The following KHDRBS2 variants were observed in gnomAD, a reference collection of about 807,000 sequenced individuals.
KHDRBS2 encodes KH RNA binding domain containing, signal transduction associated 2.
KHDRBS2 carries 26 observed loss-of-function variants against 44.3 expected under a neutral mutation model. That is an observed-to-expected ratio of 0.59 (90% CI 0.43 to 0.81). The LOEUF (loss-of-function observed/expected upper bound fraction) is 0.81. Ranked by LOEUF, KHDRBS2 falls within the 40% of genes least tolerant of loss-of-function variation. The pLI is 0.00. For synonymous variants in KHDRBS2, 194 were observed against 151.1 expected (o/e 1.28, Z -2.08); for missense variants, 476 against 433.1 (o/e 1.10, Z -0.88).
At chr6:61,919,741 A>C (rs551291990) in intron 4 of KHDRBS2, among the ~76,000 whole-genome samples, 35 of 151,942 alleles carry the variant, frequency 2.3e-4, no homozygotes, top group Admixed American at 1.4e-3. Context: ...ACAAAAAAAA[A>C]CCCCACCAAA....
At chr6:61,641,602 G>A in the KHDRBS2 span, among the ~76,000 whole-genome samples, 1 of 152,112 alleles carries the variant, frequency 6.6e-6, no homozygotes, top group African/African-American at 2.4e-5. Flanking sequence ...AGCTTTTCAT[G>A]TGTATCTTTC....
At chr6:62,164,250 A>G (rs1818224247) in intron 2 of KHDRBS2, among the ~76,000 whole-genome samples, 1 of 151,974 alleles carries the variant, frequency 6.6e-6, no homozygotes, top group Non-Finnish European at 1.5e-5. Flanking sequence ...ATGAGAGTTT[A>G]TATAAAATGG....
At chr6:61,849,646 T>TC (rs1394537179) in intron 6 of KHDRBS2, among the ~76,000 whole-genome samples, 1 of 150,190 alleles carries the variant, frequency 6.7e-6, no homozygotes, top group South Asian at 2.1e-4. Context: ...TTTTTTTTTT[T>TC]CCTAAACTAA....
intron 6 of KHDRBS2, among the ~76,000 whole-genome samples, chr6:61,757,075 T>C (rs1778600990): frequency 6.6e-6 from 1 of 152,226 alleles, no homozygotes; most frequent in Admixed American, 6.5e-5. Flanking sequence ...CAGTAGCAGT[T>C]TATGGTATGA....
At chr6:61,770,767 A>T (rs1444327419) in intron 6 of KHDRBS2, among the ~76,000 whole-genome samples, 1 of 152,226 alleles carries the variant, frequency 6.6e-6, no homozygotes, top group African/African-American at 2.4e-5. Context: ...ACTCTGCAGG[A>T]TATTATCCAG....
At chr6:61,875,855 C>T (rs566193778) in intron 6 of KHDRBS2, among the ~76,000 whole-genome samples, 4 of 151,914 alleles carry the variant, frequency 2.6e-5, no homozygotes, top group East Asian at 3.9e-4. Flanking sequence ...TATAATTACC[C>T]TCTTATATTT....
At chr6:62,103,588 G>A (rs2127375779) in intron 2 of KHDRBS2, among the ~76,000 whole-genome samples, 1 of 141,790 alleles carries the variant, frequency 7.1e-6, no homozygotes, top group Middle Eastern at 3.8e-3. Context: ...GTCTGGTCTG[G>A]GTCCAGAACC....
chr6:61,939,289 A>G (rs1317931940), intron 4 of KHDRBS2, among the ~76,000 whole-genome samples: 1 of 152,240 alleles, frequency 6.6e-6, no homozygotes, highest in East Asian at 1.9e-4. Context: ...GATTTGGGAC[A>G]TTAAACAATC....
At chr6:61,938,242 A>G (rs1255679614) in intron 4 of KHDRBS2, among the ~76,000 whole-genome samples, 1 of 152,164 alleles carries the variant, frequency 6.6e-6, no homozygotes, top group East Asian at 1.9e-4. Flanking sequence ...ATCAGTGTGT[A>G]TTCAGGAGAG....
At chr6:61,884,878 A>G (rs1800716176) in intron 6 of KHDRBS2, among the ~76,000 whole-genome samples, 1 of 151,978 alleles carries the variant, frequency 6.6e-6, no homozygotes, top group South Asian at 2.1e-4. Context: ...TTTCCTATAA[A>G]TGTTGCCATT....
intron 3 of KHDRBS2, among the ~76,000 whole-genome samples, chr6:62,021,205 G>A (rs1413781182): frequency 1.3e-5 from 2 of 151,866 alleles, no homozygotes; most frequent in Non-Finnish European, 2.9e-5. Flanking sequence ...GGAGCTAAAT[G>A]ATGAGAACAC....
At chr6:62,235,070 CTTTTTTTTT>C (rs10570985) in intron 1 of KHDRBS2, among the ~76,000 whole-genome samples, 1 of 106,966 alleles carries the variant, frequency 9.3e-6, no homozygotes, top group South Asian at 3.1e-4. Context: ...TCCATTTAGG[CTTTTTTTTT>C]TTTTTTTTTT....
At chr6:61,720,864 C>G (rs1339968693) in intron 7 of KHDRBS2, among the ~76,000 whole-genome samples, 2 of 150,838 alleles carry the variant, frequency 1.3e-5, no homozygotes, top group Non-Finnish European at 2.9e-5. Flanking sequence ...ATGCCTATGT[C>G]CTGAATGGTA....
chr6:61,620,957 C>T, the KHDRBS2 span, among the ~76,000 whole-genome samples: 1 of 152,242 alleles, frequency 6.6e-6, no homozygotes, highest in Non-Finnish European at 1.5e-5. Context: ...TCCTACCCCT[C>T]TCTTTTATCC....
At chr6:62,281,958 T>C in intron 1 of KHDRBS2, among the ~76,000 whole-genome samples, 1 of 152,218 alleles carries the variant, frequency 6.6e-6, no homozygotes, top group East Asian at 1.9e-4. Context: ...GTTTGTTTTG[T>C]ATTTAAGAAA....
chr6:62,066,606 G>T (rs1793789567), intron 2 of KHDRBS2, among the ~76,000 whole-genome samples: 1 of 151,604 alleles, frequency 6.6e-6, no homozygotes, highest in Non-Finnish European at 1.5e-5. Context: ...GTTCTTTAAA[G>T]AAGTTTTCCA....
At chr6:62,022,809 C>A (rs535732856) in intron 3 of KHDRBS2, among the ~76,000 whole-genome samples, 20 of 151,646 alleles carry the variant, frequency 1.3e-4, no homozygotes, top group Admixed American at 2.6e-4. Context: ...TTTTCTCTTA[C>A]GAGTTAATAT....
At chr6:61,955,030 A>T (rs1377264283) in intron 4 of KHDRBS2, among the ~76,000 whole-genome samples, 1 of 144,996 alleles carries the variant, frequency 6.9e-6, no homozygotes, top group Non-Finnish European at 1.5e-5. Context: ...ACATACATAT[A>T]TACATACATG....
intron 4 of KHDRBS2, among the ~76,000 whole-genome samples, chr6:61,938,798 A>T (rs1235877859): frequency 6.6e-6 from 1 of 152,148 alleles, no homozygotes; most frequent in African/African-American, 2.4e-5. Flanking sequence ...GTAAGAGGGG[A>T]TTCTATAAAG....
Sources: gnomAD v4.1 joint callset for allele counts (sites outside exome capture counted in the v4.1 genomes callset) on GRCh38, gnomAD v4.1.1 for gene constraint, MANE v1.5 for transcripts, NCBI Gene and HGNC (gene_info 2026-07-23, HGNC 2026-07-21) for gene names.